Variants in MGAT5B observed in about 807,000 individuals in gnomAD.
MGAT5B encodes the protein N-acetylglucosaminyl-transferase Vb.
In MGAT5B, 54 loss-of-function variants were observed where a neutral mutation model predicts 95.1. That is an observed-to-expected ratio of 0.57 (90% confidence interval 0.46 to 0.71). The LOEUF (loss-of-function observed/expected upper bound fraction) is 0.71, where lower values mean the gene tolerates loss of function less well. Among genes scored for constraint, MGAT5B ranks in the 30% least tolerant of loss-of-function variants. The pLI, the probability that MGAT5B is intolerant of heterozygous loss-of-function variation, is 0.00. For synonymous variants in MGAT5B, 464 were observed against 451.0 expected, an observed-to-expected ratio of 1.03 and a Z score of -0.36; for missense variants, 935 against 1,088.6, an observed-to-expected ratio of 0.86 and a Z score of 1.99.
chr17:76,886,488 G>A (rs1394256278), intron 3 of MGAT5B, among the ~76,000 whole-genome samples: 6 of 152,370 alleles, frequency 3.9e-5, no homozygotes, highest in African/African-American at 1.4e-4. Flanking sequence ...TCCAGAGAAG[G>A]GGGTGACCCA....
At chr17:76,911,640 C>T (rs1022408588) in intron 8 of MGAT5B, among the ~76,000 whole-genome samples, 1 of 152,198 alleles carries the variant, frequency 6.6e-6, no homozygotes, top group Non-Finnish European at 1.5e-5. Context: ...CCATAGTTGG[C>T]GGGGTCAGTG....
At position 76,940,744 on chromosome 17, in the gene MGAT5B, C is replaced by T; in HGVS notation, c.1744C>T (p.His582Tyr). 1 of 1,614,122 alleles carries T rather than the reference C, an allele frequency of 6.2e-7. No homozygotes were observed. Among genetic ancestry groups the T allele is most frequent in the Non-Finnish European group, 8.5e-7 (1 of 1,179,988 alleles). Residue 582 changes from histidine (H) to tyrosine (Y), a missense_variant, in exon 15 of 18, where the codon CAT becomes TAT. Around this residue, in one of 4 missense-constraint regions of MGAT5B, gnomAD observed 440 missense variants for 523.6 expected, o/e 0.84. Transcript: ENST00000569840. This position sits in a 1 kb window ranked among gnomAD's most constrained non-coding sequence, Gnocchi z 4.3. Reference sequence around the variant, plus strand: ...GTACCCTTGCCAGGTGTTCTCCCAGCATCCCTACGCGGAGAACTTCATCGG... The same window carrying T: ...GTACCCTTGCCAGGTGTTCTCCCAGTATCCCTACGCGGAGAACTTCATCGG... Reference protein sequence around the residue: ...KPTSREVFSQHPYAENFIGKP... With the variant: ...KPTSREVFSQYPYAENFIGKP...
At chr17:76,921,610 C>T (rs905864835) in intron 8 of MGAT5B, among the ~76,000 whole-genome samples, 2 of 152,184 alleles carry the variant, frequency 1.3e-5, no homozygotes, top group African/African-American at 4.8e-5. Flanking sequence ...CCCAGTGGGC[C>T]TGTGCTGGAG....
At chr17:76,895,213 C>A (rs1968023197) in intron 3 of MGAT5B, among the ~76,000 whole-genome samples, 1 of 151,814 alleles carries the variant, frequency 6.6e-6, no homozygotes. Flanking sequence ...AAATCTAATG[C>A]CTGATGATCT....
chr17:76,937,865 A>T, intron 12 of MGAT5B, 123 bp from the exon 13 acceptor site: 2 of 1,193,700 alleles, frequency 1.7e-6, no homozygotes, highest in Non-Finnish European at 2.4e-6. Flanking sequence ...TCCCACAGCC[A>T]GTTAATGGCC....
Position 76,946,443 on chromosome 17 carries a change from A to G in MGAT5B, c.1916A>G (p.Gln639Arg). ...GMLERIHAYI[Q>R]HQDFCRAPDP... ...CTGGAGCGGATCCACGCCTACATCC[A>G]GCACCAGGTCAGTGAGCCCTCTGGT... is the stretch of plus-strand genomic sequence containing the variant. The change falls in exon 16 of 18, where the codon CAG becomes CGG. Residue 639 changes from glutamine (Q) to arginine (R), a missense_variant. By Grantham distance (43) the Gln-to-Arg change is conservative (BLOSUM62 1). Coordinates refer to ENST00000569840, the MANE Select transcript of MGAT5B (RefSeq NM_001199172.2). The G allele has an allele frequency of 6.3e-7, 1 of 1,591,606 alleles. No homozygotes were observed. The highest frequency in any genetic ancestry group is 8.6e-7 in the Non-Finnish European group (1 of 1,168,448).
chr17:76,874,971 G>T (rs1304065779), intron 2 of MGAT5B, among the ~76,000 whole-genome samples: 1 of 152,154 alleles, frequency 6.6e-6, no homozygotes, highest in African/African-American at 2.4e-5. Flanking sequence ...GTGTGTGCGT[G>T]TACGTGGTCT....
intron 15 of MGAT5B, among the ~76,000 whole-genome samples, chr17:76,944,732 C>T (rs1488748229): frequency 1.3e-5 from 2 of 152,304 alleles, no homozygotes; most frequent in Non-Finnish European, 2.9e-5. Context: ...CAGTGACTGC[C>T]GCTTCCCTGG....
Position 76,869,935 on chromosome 17 carries a change from C to T in MGAT5B, c.68+838C>T, listed in dbSNP as rs1880868739. Among the ~76,000 whole-genome samples, 1 of 152,146 alleles carries T rather than the reference C, an allele frequency of 6.6e-6. No individual in the cohort carries two copies. The highest frequency in any genetic ancestry group is 2.4e-5 in the African/African-American group (1 of 41,450). The stretch of plus-strand genomic sequence containing the variant: ...CTCCCAGGCATCCGCGGAACCGGCC[C>T]GCAGCGGGGTGGGGAGGGGGCGCTG... On this transcript the variant is annotated intron_variant, in intron 1 of 17. Transcript: ENST00000569840. The surrounding 1 kb of genome is among the most constrained non-coding windows in gnomAD (Gnocchi z 7.0).
At chr17:76,926,165 TG>T (rs1969305850) in intron 9 of MGAT5B, among the ~76,000 whole-genome samples, 1 of 152,106 alleles carries the variant, frequency 6.6e-6, no homozygotes, top group South Asian at 2.1e-4. Flanking sequence ...CCCTATAGAC[TG>T]GGCACATCCA....
At chr17:76,876,710 G>A (rs1401349487) in intron 2 of MGAT5B, among the ~76,000 whole-genome samples, 4 of 152,334 alleles carry the variant, frequency 2.6e-5, no homozygotes, top group Non-Finnish European at 5.9e-5. Flanking sequence ...GATAAACTGC[G>A]TACTTTGGGG....
At position 76,905,217 on chromosome 17, in the gene MGAT5B, G is replaced by C; in HGVS notation, c.739G>C (p.Gly247Arg). ...LSHLLDLMGSGKESLIFMKKR... is the reference protein window; with the variant it reads ...LSHLLDLMGSRKESLIFMKKR... ...CCACCTTCTGGACCTGATGGGCAGC[G>C]GGAAGGAGTCCCTGATCTTCATGAA... The change falls in exon 7 of 18, where the codon GGG becomes CGG. Residue 247 changes from glycine to arginine, a missense_variant. Transcript: ENST00000569840. This position sits in a 1 kb window ranked among gnomAD's most constrained non-coding sequence, Gnocchi z 4.2. The C allele has an allele frequency of 6.2e-7, 1 of 1,613,568 alleles. No homozygotes were observed. The highest frequency in any genetic ancestry group is 8.5e-7 in the Non-Finnish European group (1 of 1,179,640).
rs764730115 is a variant in MGAT5B, at chr17:76,869,047, C to T, written c.18C>T (p.Pro6=). Residue 6 remains proline (P), a synonymous_variant, in exon 1 of 18, where the codon CCC becomes CCT. Coordinates refer to ENST00000569840, the MANE Select transcript of MGAT5B (RefSeq NM_001199172.2). This position sits in a 1 kb window ranked among gnomAD's most constrained non-coding sequence, Gnocchi z 7.0. ...TTTGAACAATGATCACCGTCAACCC[C>T]GATGGGAAGATAATGGTCAGAAGAT... MITVN[P]DGKIMVRRCL... The T allele has an allele frequency of 6.2e-7, 1 of 1,614,098 alleles. No homozygotes were observed. The highest frequency in any genetic ancestry group is 8.5e-7 in the Non-Finnish European group (1 of 1,179,972).
chr17:76,944,789 G>A (rs1177511531), intron 15 of MGAT5B, among the ~76,000 whole-genome samples: 1 of 152,222 alleles, frequency 6.6e-6, no homozygotes, highest in African/African-American at 2.4e-5. Context: ...GCCCCAGGAC[G>A]AGTCTCCTAA....
chr17:76,898,067 AG>A (rs113376961), intron 3 of MGAT5B, among the ~76,000 whole-genome samples: 11,209 of 148,882 alleles, frequency 0.075, 1,118 homozygotes, highest in African/African-American at 0.22. Context: ...AAAAAAAAAA[AG>A]TTTATTGAGG....
intron 12 of MGAT5B, among the ~76,000 whole-genome samples, chr17:76,934,636 G>A (rs1028215162): frequency 3.3e-5 from 5 of 152,154 alleles, no homozygotes; most frequent in African/African-American, 1.2e-4. Context: ...AACACACAGG[G>A]TCTACTTTTA....
intron 8 of MGAT5B, among the ~76,000 whole-genome samples, chr17:76,910,122 C>T (rs1357598479): frequency 6.6e-6 from 1 of 152,180 alleles, no homozygotes; most frequent in East Asian, 1.9e-4. Flanking sequence ...CACAGATACT[C>T]CCAATGCTGG....
At chr17:76,945,211 C>T (rs1257935793) in intron 15 of MGAT5B, among the ~76,000 whole-genome samples, 1 of 152,286 alleles carries the variant, frequency 6.6e-6, no homozygotes, top group Non-Finnish European at 1.5e-5. Context: ...CTCTTCCCTC[C>T]ACTCCCCTGG....
intron 11 of MGAT5B, 27 bp from the exon 12 acceptor site, chr17:76,933,265 C>T (rs1018556923): frequency 6.3e-7 from 1 of 1,598,284 alleles, no homozygotes; most frequent in Non-Finnish European, 8.5e-7. Flanking sequence ...CTCTCTGTTC[C>T]TTGTGCTCCC....
Sources: allele counts gnomAD v4.1 joint callset (sites outside exome capture counted in the v4.1 genomes callset), GRCh38; gene constraint gnomAD v4.1.1; regional missense constraint gnomAD v4.1.1; non-coding constraint Gnocchi (gnomAD v3.1); transcripts MANE v1.5; gene names NCBI Gene and HGNC (gene_info 2026-07-23, HGNC 2026-07-21).